The following GALNT13 variants were observed in gnomAD, a reference collection of about 807,000 sequenced individuals.
GALNT13 encodes the protein UDP-GalNAc:polypeptide N-acetylgalactosaminyltransferase 13.
GALNT13 carries 28 observed loss-of-function variants against 64.2 expected under a neutral mutation model. The ratio of observed to expected loss-of-function variants is 0.44; its 90% CI spans 0.32 to 0.60. The LOEUF is 0.60. Among genes scored for constraint, GALNT13 ranks in the 20% least tolerant of loss-of-function variants. The pLI is 0.05. For missense variants in GALNT13, 577 were observed against 669.8 expected (o/e 0.86, Z 1.53); for synonymous variants, 214 against 224.6 (o/e 0.95, Z 0.42).
the GALNT13 span, among the ~76,000 whole-genome samples, chr2:153,546,547 G>A: frequency 2.6e-5 from 4 of 152,134 alleles, no homozygotes; most frequent in Non-Finnish European, 5.9e-5. Context: ...AGTGTGCCCC[G>A]CTTCTTGTCA....
At chr2:154,421,379 A>G (rs549291839) in intron 11 of GALNT13, among the ~76,000 whole-genome samples, 24 of 152,220 alleles carry the variant, frequency 1.6e-4, no homozygotes, top group African/African-American at 5.3e-4. Flanking sequence ...TGGCTAAAAC[A>G]CAATGTTTTA....
intron 9 of GALNT13, among the ~76,000 whole-genome samples, chr2:154,306,627 G>GGT (rs1553512854): frequency 8.3e-5 from 12 of 144,904 alleles, no homozygotes; most frequent in East Asian, 2.3e-4. Context: ...GTGGGGGGGG[G>GGT]GTCAAGAAAT....
the GALNT13 span, among the ~76,000 whole-genome samples, chr2:153,560,757 C>T: frequency 0.13 from 19,714 of 151,928 alleles, 1,605 homozygotes; most frequent in African/African-American, 0.22. Context: ...TATGATAGGT[C>T]CCCCACCACA....
the GALNT13 span, among the ~76,000 whole-genome samples, chr2:153,070,208 A>G: frequency 1.3e-5 from 2 of 152,222 alleles, no homozygotes; most frequent in East Asian, 3.9e-4. Flanking sequence ...AAATGTGCCA[A>G]TCTGAAAAGG....
At chr2:154,303,523 C>T (rs1378680701) in intron 9 of GALNT13, among the ~76,000 whole-genome samples, 1 of 151,692 alleles carries the variant, frequency 6.6e-6, no homozygotes, top group Non-Finnish European at 1.5e-5. Flanking sequence ...ATTTTACAAA[C>T]TGCTCTTTGT....
chr2:153,586,840 G>A, the GALNT13 span, among the ~76,000 whole-genome samples: 1 of 152,046 alleles, frequency 6.6e-6, no homozygotes, highest in Non-Finnish European at 1.5e-5. Flanking sequence ...TATCTTCTCA[G>A]ACCACAGTAA....
Position 154,172,221 on chromosome 2 carries a change from ATAATT to A in GALNT13, c.311+31721_311+31725del, listed in dbSNP as rs543839183. On this transcript the variant is annotated intron_variant, in intron 4 of 12. Coordinates refer to ENST00000392825, the MANE Select transcript of GALNT13 (RefSeq NM_052917.4). Reference sequence around the variant, plus strand: ...TGTACATAGTTTGAGGGTACATGTGATAATTTAATACATTCATAAAATTTGTAAAG... The same window carrying A: ...TGTACATAGTTTGAGGGTACATGTGATAATACATTCATAAAATTTGTAAAG... 9.5e-3 allele frequency among the ~76,000 whole-genome samples: 1,441 copies of A among 152,166 alleles called. 10 individuals are homozygous for A. The highest frequency in any genetic ancestry group is 0.016 in the Non-Finnish European group (1,085 of 67,926).
chr2:153,395,228 T>C, the GALNT13 span, among the ~76,000 whole-genome samples: 3 of 152,132 alleles, frequency 2.0e-5, no homozygotes, highest in African/African-American at 7.2e-5. Context: ...AACTATTCCA[T>C]CATATCCACA....
intron 3 of GALNT13, among the ~76,000 whole-genome samples, chr2:154,083,536 A>G (rs893128703): frequency 6.8e-6 from 1 of 147,430 alleles, no homozygotes; most frequent in Non-Finnish European, 1.5e-5. Context: ...GATTCTTCCT[A>G]TCCATGAGCA....
the GALNT13 span, among the ~76,000 whole-genome samples, chr2:153,860,725 G>T: frequency 6.6e-6 from 1 of 152,132 alleles, no homozygotes; most frequent in Non-Finnish European, 1.5e-5. Context: ...CACTAAGTGG[G>T]AGGCACTCCA....
chr2:153,845,999 AC>A, the GALNT13 span, among the ~76,000 whole-genome samples: 1 of 152,220 alleles, frequency 6.6e-6, no homozygotes, highest in Non-Finnish European at 1.5e-5. Context: ...TTTATGTGTA[AC>A]AAAAGTAAAG....
At chr2:154,313,354 C>T (rs1694152114) in intron 9 of GALNT13, among the ~76,000 whole-genome samples, 1 of 146,586 alleles carries the variant, frequency 6.8e-6, no homozygotes, top group South Asian at 2.1e-4. Flanking sequence ...TATATTTATA[C>T]ATATATATAC....
At chr2:153,233,699 A>C in the GALNT13 span, among the ~76,000 whole-genome samples, 1 of 152,150 alleles carries the variant, frequency 6.6e-6, no homozygotes, top group Non-Finnish European at 1.5e-5. Flanking sequence ...AATGAAGGCT[A>C]AATGCCATGT....
intron 3 of GALNT13, among the ~76,000 whole-genome samples, chr2:154,127,506 A>G (rs1043011485): frequency 5.3e-5 from 8 of 152,022 alleles, no homozygotes; most frequent in Non-Finnish European, 1.2e-4. Flanking sequence ...AGCAGTGTTT[A>G]TGTAAGGAAA....
chr2:154,221,550 T>G (rs987533494), intron 4 of GALNT13, among the ~76,000 whole-genome samples: 1 of 152,076 alleles, frequency 6.6e-6, no homozygotes, highest in African/African-American at 2.4e-5. Flanking sequence ...GCAGTGATCT[T>G]GAATTTGTAA....
chr2:154,293,221 A>C (rs1031554907), intron 8 of GALNT13, among the ~76,000 whole-genome samples: 26 of 152,184 alleles, frequency 1.7e-4, no homozygotes, highest in African/African-American at 6.3e-4. Flanking sequence ...TGTGAATGAG[A>C]CATCATGTTT....
the GALNT13 span, among the ~76,000 whole-genome samples, chr2:153,773,298 T>C: frequency 5.9e-5 from 9 of 152,232 alleles, no homozygotes; most frequent in Non-Finnish European, 1.2e-4. Context: ...GCTTTGAGGC[T>C]GAGCTGAAAG....
chr2:154,302,905 T>G (rs541898101), intron 9 of GALNT13, among the ~76,000 whole-genome samples: 1 of 152,294 alleles, frequency 6.6e-6, no homozygotes, highest in East Asian at 1.9e-4. Context: ...TCAGTTAATC[T>G]TCTCAGGTTT....
At chr2:153,991,577 G>A (rs1296962921) in intron 3 of GALNT13, among the ~76,000 whole-genome samples, 2 of 151,976 alleles carry the variant, frequency 1.3e-5, no homozygotes, top group Non-Finnish European at 2.9e-5. Context: ...AACACTCTTT[G>A]GCCACTTTAC....
Sources: gnomAD v4.1 joint callset for allele counts (sites outside exome capture counted in the v4.1 genomes callset) on GRCh38, gnomAD v4.1.1 for gene constraint, MANE v1.5 for transcripts, NCBI Gene and HGNC (gene_info 2026-07-23, HGNC 2026-07-21) for gene names.